The following STIM1 variants were observed in gnomAD, a reference collection of about 807,000 sequenced individuals.
The protein encoded by STIM1 is stromal interaction molecule 1.
In STIM1, 25 loss-of-function variants were observed where a neutral mutation model predicts 74.7. The observed-to-expected ratio is 0.33, with a 90% confidence interval of 0.24 to 0.47. The LOEUF (loss-of-function observed/expected upper bound fraction) is 0.47. Ranked by LOEUF, STIM1 falls within the 20% of genes least tolerant of loss-of-function variation. The pLI, the probability that STIM1 is intolerant of heterozygous loss-of-function variation, is 1.00. For missense variants in STIM1, 728 were observed against 920.8 expected, an observed-to-expected ratio of 0.79 and a Z score of 2.71; for synonymous variants, 328 against 348.8, an observed-to-expected ratio of 0.94 and a Z score of 0.66.
At chr11:3,977,885 C>A (rs1477684308) in intron 2 of STIM1, among the ~76,000 whole-genome samples, 1 of 152,000 alleles carries the variant, frequency 6.6e-6, no homozygotes, top group East Asian at 1.9e-4. Context: ...CATGAGGGTA[C>A]AATAGTGAGG....
At chr11:3,973,210 C>T in intron 2 of STIM1, 1 of 451,000 alleles carries the variant, frequency 2.2e-6, no homozygotes. Context: ...ATGGCTGCTA[C>T]CAAAGTCACC....
chr11:3,962,246 G>A (rs1200800960), intron 1 of STIM1, among the ~76,000 whole-genome samples: 1 of 152,016 alleles, frequency 6.6e-6, no homozygotes, highest in Non-Finnish European at 1.5e-5. Flanking sequence ...CCCACTCCTG[G>A]CAACTTTTCG....
At chr11:3,925,091 G>T (rs192995181) in intron 1 of STIM1, among the ~76,000 whole-genome samples, 193 of 152,290 alleles carry the variant, frequency 1.3e-3, no homozygotes, top group African/African-American at 4.5e-3. Flanking sequence ...ACAAAGGAAT[G>T]CAGTTTTAAA....
intron 1 of STIM1, among the ~76,000 whole-genome samples, chr11:3,952,745 G>A: frequency 6.6e-6 from 1 of 152,218 alleles, no homozygotes; most frequent in Non-Finnish European, 1.5e-5. Context: ...TGTTAAATAA[G>A]TGTTGAAATG....
At chr11:3,928,462 G>T (rs112487098) in intron 1 of STIM1, among the ~76,000 whole-genome samples, 6 of 152,026 alleles carry the variant, frequency 3.9e-5, no homozygotes, top group South Asian at 2.1e-4. Context: ...CCTGACCTCA[G>T]GTGATCCACC....
At chr11:3,914,546 A>G (rs1454439476) in intron 1 of STIM1, among the ~76,000 whole-genome samples, 1 of 152,146 alleles carries the variant, frequency 6.6e-6, no homozygotes, top group Non-Finnish European at 1.5e-5. Context: ...GGTTCAAACA[A>G]TTCTCCTGTC....
At chr11:3,990,324 G>T (rs1240721191) in intron 2 of STIM1, among the ~76,000 whole-genome samples, 12 of 152,086 alleles carry the variant, frequency 7.9e-5, no homozygotes, top group Admixed American at 5.2e-4. Flanking sequence ...TCAATTTATA[G>T]ACATCTGGTT....
intron 2 of STIM1, among the ~76,000 whole-genome samples, chr11:4,008,803 G>T (rs543264362): frequency 6.6e-6 from 1 of 152,120 alleles, no homozygotes; most frequent in African/African-American, 2.4e-5. Context: ...ATGCACACAT[G>T]GGGAGAGCAT....
intron 2 of STIM1, among the ~76,000 whole-genome samples, chr11:4,011,494 C>G (rs2093835688): frequency 6.6e-6 from 1 of 152,140 alleles, no homozygotes; most frequent in Non-Finnish European, 1.5e-5. Context: ...AGCATTTTTT[C>G]ATGTGTCTGT....
chr11:4,029,327 T>C (rs2094027373), intron 3 of STIM1, among the ~76,000 whole-genome samples: 1 of 152,138 alleles, frequency 6.6e-6, no homozygotes, highest in African/African-American at 2.4e-5. Flanking sequence ...AGCAGGTTCC[T>C]GAATAACGTC....
intron 1 of STIM1, among the ~76,000 whole-genome samples, chr11:3,965,597 C>T (rs779157467): frequency 8.5e-5 from 13 of 152,188 alleles, no homozygotes; most frequent in Non-Finnish European, 1.9e-4. Flanking sequence ...CCCTAAGTTC[C>T]CACTACCCCT....
At chr11:3,906,430 T>C (rs1038448366) in intron 1 of STIM1, among the ~76,000 whole-genome samples, 2 of 152,210 alleles carry the variant, frequency 1.3e-5, no homozygotes, top group African/African-American at 4.8e-5. Flanking sequence ...TGAATAGGTG[T>C]CCTGAATAAG....
At chr11:3,870,381 T>A (rs11030135) in intron 1 of STIM1, among the ~76,000 whole-genome samples, 2 of 152,202 alleles carry the variant, frequency 1.3e-5, no homozygotes, top group East Asian at 3.8e-4. Flanking sequence ...ACAAGATTGC[T>A]TTTCCTCTCT....
intron 3 of STIM1, among the ~76,000 whole-genome samples, chr11:4,046,059 CTTTTTT>C (rs35783768): frequency 1.7e-5 from 1 of 59,030 alleles, no homozygotes; most frequent in Non-Finnish European, 3.0e-5. Flanking sequence ...CGTGAGCTAC[CTTTTTT>C]TTTTTTTTTT....
intron 1 of STIM1, among the ~76,000 whole-genome samples, chr11:3,894,208 A>G (rs1374312774): frequency 6.6e-6 from 1 of 152,250 alleles, no homozygotes; most frequent in East Asian, 1.9e-4. Context: ...AGTGACTGTG[A>G]CTAACTTGTA....
chr11:3,910,991 A>G (rs2092553525), intron 1 of STIM1, among the ~76,000 whole-genome samples: 1 of 152,058 alleles, frequency 6.6e-6, no homozygotes, highest in South Asian at 2.1e-4. Flanking sequence ...CAGACAAACA[A>G]ACAAACAAGA....
chr11:4,069,907 T>C, intron 5 of STIM1, 119 bp from the exon 6 acceptor site: 1 of 1,105,198 alleles, frequency 9.0e-7, no homozygotes, highest in South Asian at 1.3e-5. Context: ...AACTAATTCC[T>C]TCTCAGTGGG....
At chr11:3,953,585 C>T (rs1010304480) in intron 1 of STIM1, among the ~76,000 whole-genome samples, 2 of 152,126 alleles carry the variant, frequency 1.3e-5, no homozygotes, top group Admixed American at 1.3e-4. Context: ...GCTGGCCAAC[C>T]TAGGGCAAAA....
chr11:3,950,219 C>T (rs958122280), intron 1 of STIM1, among the ~76,000 whole-genome samples: 2 of 151,576 alleles, frequency 1.3e-5, no homozygotes, highest in East Asian at 1.9e-4. Flanking sequence ...CTGCAACCTC[C>T]ACCTCCTGGG....
Sources: allele counts gnomAD v4.1 joint callset (sites outside exome capture counted in the v4.1 genomes callset), GRCh38; gene constraint gnomAD v4.1.1; transcripts MANE v1.5; gene names NCBI Gene and HGNC (gene_info 2026-07-23, HGNC 2026-07-21).